Variants in PDE3A observed in about 807,000 individuals in gnomAD.
The protein encoded by PDE3A is cGMP-inhibited 3',5'-cyclic phosphodiesterase 3A.
A neutral mutation model predicts 98.3 loss-of-function variants in PDE3A; 43 were observed. That is an observed-to-expected ratio of 0.44 (90% CI 0.34 to 0.56). The LOEUF (loss-of-function observed/expected upper bound fraction) is 0.56, where lower values mean the gene tolerates loss of function less well. Ranked by LOEUF, PDE3A falls within the 20% of genes least tolerant of loss-of-function variation. The probability of loss-of-function intolerance (pLI) is 0.01; values close to 1 mark genes in which losing one functional copy is unlikely to be tolerated. For synonymous variants in PDE3A, 663 were observed against 567.9 expected (o/e 1.17, Z -2.38); for missense variants, 1,427 against 1,440.7 (o/e 0.99, Z 0.15).
At position 20,499,769 on chromosome 12, in the gene PDE3A, C is replaced by A. The variant is rs374545061; in HGVS notation, c.961-56891C>A. On this transcript the variant is annotated intron_variant, in intron 1 of 15. Transcript: ENST00000359062. The stretch of plus-strand genomic sequence containing the variant: ...CAATTAGTTTGGCCAATGTATATAA[C>A]CTGCATATATTTTCTCAGCTCATAT... 7.9e-5 allele frequency among the ~76,000 whole-genome samples: 12 copies of A among 152,228 alleles called. No individual in the cohort carries two copies. The East Asian group carries it at 1.7e-3, about 22-fold the overall frequency.
intron 1 of PDE3A, among the ~76,000 whole-genome samples, chr12:20,418,017 A>G (rs1419771518): frequency 1.3e-5 from 2 of 152,062 alleles, no homozygotes; most frequent in East Asian, 1.9e-4. Context: ...TCTGAAGTCC[A>G]TTCTCCATAT....
At chr12:20,371,595 C>A (rs934694220) in intron 1 of PDE3A, 1 of 217,752 alleles carries the variant, frequency 4.6e-6, no homozygotes, top group Non-Finnish European at 7.8e-6. Context: ...TTACACAGAT[C>A]TATGGCTGTT....
At chr12:20,501,643 C>G (rs1292761045) in intron 1 of PDE3A, among the ~76,000 whole-genome samples, 1 of 152,024 alleles carries the variant, frequency 6.6e-6, no homozygotes, top group Admixed American at 6.6e-5. Context: ...AGAAGAGTTA[C>G]TTTTTGTTCA....
At chr12:20,633,929 G>T (rs1944441217) in intron 7 of PDE3A, 151 bp downstream of exon 7, 1 of 545,202 alleles carries the variant, frequency 1.8e-6, no homozygotes, top group East Asian at 3.1e-5. Flanking sequence ...CAAACTCCTG[G>T]CCTCAAGTGA....
At chr12:20,390,106 A>C (rs952910300) in intron 1 of PDE3A, among the ~76,000 whole-genome samples, 4 of 151,930 alleles carry the variant, frequency 2.6e-5, no homozygotes, top group African/African-American at 9.7e-5. Context: ...TGGAAAAGAC[A>C]TGTGAAAAAG....
At position 20,414,827 on chromosome 12, in the gene PDE3A, A is replaced by G. The variant is rs1395233802; in HGVS notation, c.960+44583A>G. On this transcript the variant is annotated intron_variant, in intron 1 of 15. Transcript: ENST00000359062. ...TTTTTTCTTGTAGCTATTTTTTCTC[A>G]TGGTGTAAACTGAGGGCAATAATTG... Among the ~76,000 whole-genome samples the G allele has an allele frequency of 3.3e-5, 5 of 152,222 alleles. No homozygotes were observed. In the East Asian group the frequency reaches 5.8e-4, roughly 18 times the overall value.
intron 1 of PDE3A, among the ~76,000 whole-genome samples, chr12:20,415,509 C>T (rs1944408404): frequency 6.6e-6 from 1 of 151,994 alleles, no homozygotes; most frequent in Non-Finnish European, 1.5e-5. Flanking sequence ...CAACCACCAG[C>T]TCACTGCAAC....
chr12:20,385,995 A>T (rs1393738020), intron 1 of PDE3A, among the ~76,000 whole-genome samples: 4 of 105,540 alleles, frequency 3.8e-5, no homozygotes, highest in African/African-American at 9.2e-5. Flanking sequence ...ATATATATAA[A>T]ATATATATAT....
intron 1 of PDE3A, among the ~76,000 whole-genome samples, chr12:20,467,190 T>C (rs1020901807): frequency 2.0e-5 from 3 of 152,120 alleles, no homozygotes; most frequent in African/African-American, 7.2e-5. Flanking sequence ...GTTTTCATCT[T>C]TTAAAATTTT....
chr12:20,531,719 T>A (rs1427522528), intron 1 of PDE3A, among the ~76,000 whole-genome samples: 1 of 152,170 alleles, frequency 6.6e-6, no homozygotes, highest in Non-Finnish European at 1.5e-5. Context: ...GGGAAGTATA[T>A]CCTTATTAGA....
rs112529717 is a variant in PDE3A at position 20,595,779 on chromosome 12, A to G, written c.1012-17664A>G. Among the ~76,000 whole-genome samples, 5 of 152,278 alleles carry G rather than the reference A, an allele frequency of 3.3e-5. 1 individual carries two copies. Among genetic ancestry groups the G allele is most frequent in the African/African-American group, 1.2e-4 (5 of 41,566 alleles). On this transcript the variant is annotated intron_variant, in intron 2 of 15. Coordinates refer to ENST00000359062, the MANE Select transcript of PDE3A (RefSeq NM_000921.5). ...GCCAGCACTTGAAAGGGGCCATTGCATCTGCTCTGTGTCCATTTTTAAGAT... is the reference window on the plus strand; with the variant it reads ...GCCAGCACTTGAAAGGGGCCATTGCGTCTGCTCTGTGTCCATTTTTAAGAT...
At chr12:20,517,607 A>C (rs1198327432) in intron 1 of PDE3A, among the ~76,000 whole-genome samples, 1 of 152,216 alleles carries the variant, frequency 6.6e-6, no homozygotes, top group Admixed American at 6.5e-5. Context: ...ATTTACTTCT[A>C]CTGGATATCC....
chr12:20,500,631 GA>G (rs1333504747), intron 1 of PDE3A, among the ~76,000 whole-genome samples: 2 of 151,990 alleles, frequency 1.3e-5, no homozygotes, highest in African/African-American at 4.8e-5. Flanking sequence ...TTGCTAAGCA[GA>G]AATCTGTAAA....
intron 1 of PDE3A, among the ~76,000 whole-genome samples, chr12:20,496,584 G>A (rs1199930655): frequency 6.8e-6 from 1 of 147,404 alleles, no homozygotes; most frequent in African/African-American, 2.5e-5. Context: ...AAATTCTTTT[G>A]GGATCCATAC....
At chr12:20,419,456 C>A (rs565292504) in intron 1 of PDE3A, among the ~76,000 whole-genome samples, 1 of 151,864 alleles carries the variant, frequency 6.6e-6, no homozygotes, top group South Asian at 2.1e-4. Flanking sequence ...CCATGTCCCA[C>A]TGTTTTTGTT....
chr12:20,488,180 C>T (rs1002597324), intron 1 of PDE3A, among the ~76,000 whole-genome samples: 4 of 152,062 alleles, frequency 2.6e-5, no homozygotes, highest in African/African-American at 7.2e-5. Context: ...TCCTCCCAGT[C>T]AACCTCTCTC....
At position 20,687,664 on chromosome 12, in the gene PDE3A, T is replaced by A. The variant is rs1026414173; in HGVS notation, c.*7393T>A. ...TGATATTTCTTCCTCAAGTTTTCTA[T>A]CATGCAAATCACAAAATGAAAATTG... On this transcript the variant is annotated 3_prime_UTR_variant, in exon 16 of 16. Transcript: ENST00000359062. Among the ~76,000 whole-genome samples, 3 of 151,956 alleles carry A rather than the reference T, an allele frequency of 2.0e-5. No homozygotes were observed. The highest frequency in any genetic ancestry group is 7.2e-5 in the African/African-American group (3 of 41,406).
At chr12:20,641,459 G>A (rs902815850) in intron 10 of PDE3A, among the ~76,000 whole-genome samples, 1 of 152,140 alleles carries the variant, frequency 6.6e-6, no homozygotes, top group Non-Finnish European at 1.5e-5. Flanking sequence ...GAAGGTCAAG[G>A]AGTTATATAA....
At chr12:20,569,542 C>A (rs1395841687) in intron 2 of PDE3A, among the ~76,000 whole-genome samples, 3 of 152,014 alleles carry the variant, frequency 2.0e-5, no homozygotes, top group African/African-American at 7.2e-5. Context: ...TAAGGCATTA[C>A]CCTATTTAAT....
Sources: gnomAD v4.1 joint callset for allele counts (sites outside exome capture counted in the v4.1 genomes callset) on GRCh38, gnomAD v4.1.1 for gene constraint, MANE v1.5 for transcripts, NCBI Gene and HGNC (gene_info 2026-07-23, HGNC 2026-07-21) for gene names.